UTRN: variants seen among roughly 807,000 people sequenced by gnomAD.
UTRN encodes dystrophin-related protein 1.
A neutral mutation model predicts 463.9 loss-of-function variants in UTRN; 283 were observed. The observed-to-expected ratio is 0.61, with a 90% CI of 0.55 to 0.67. UTRN has a LOEUF of 0.67. Among genes scored for constraint, UTRN ranks in the 30% least tolerant of loss-of-function variants. The probability of loss-of-function intolerance (pLI) is 0.00; values close to 1 mark genes in which losing one functional copy is unlikely to be tolerated. For synonymous variants in UTRN, 1,442 were observed against 1,431.5 expected, an observed-to-expected ratio of 1.01 and a Z score of -0.17; for missense variants, 3,922 against 4,084.3, an observed-to-expected ratio of 0.96 and a Z score of 1.08.
chr6:144,522,355 A>G (rs1455715638), intron 40 of UTRN, among the ~76,000 whole-genome samples, 184 bp downstream of exon 40: 1 of 152,220 alleles, frequency 6.6e-6, no homozygotes, highest in Non-Finnish European at 1.5e-5. Context: ...TTGAATTTTT[A>G]AAAAGTGGGT....
intron 7 of UTRN, among the ~76,000 whole-genome samples, chr6:144,427,324 A>T (rs1390349318): frequency 6.6e-6 from 1 of 152,170 alleles, no homozygotes; most frequent in Non-Finnish European, 1.5e-5. Flanking sequence ...GTAAATGATT[A>T]CTTTTCTCAA....
chr6:144,797,819 A>T lies in UTRN; in HGVS notation c.9079-5A>T. The T allele has an allele frequency of 6.2e-7, 1 of 1,610,920 alleles. No homozygotes were observed. The highest frequency in any genetic ancestry group is 8.5e-7 in the Non-Finnish European group (1 of 1,178,270). On this transcript the variant is annotated splice_polypyrimidine_tract_variant and splice_region_variant and intron_variant, in intron 63 of 74. Transcript: ENST00000367545. ...TCACTTTTAATATATTTCTTTTTTC[A>T]CCAGAATAACAATAAACCAGAAATA...
chr6:144,346,108 G>A (rs1777542658), intron 2 of UTRN, among the ~76,000 whole-genome samples: 1 of 151,660 alleles, frequency 6.6e-6, no homozygotes, highest in African/African-American at 2.4e-5. Context: ...AACCTGGGAG[G>A]TGGAGGTTGC....
chr6:144,715,408 T>C (rs1786294751), intron 53 of UTRN, among the ~76,000 whole-genome samples: 1 of 152,090 alleles, frequency 6.6e-6, no homozygotes, highest in African/African-American at 2.4e-5. Flanking sequence ...TAAATCAAAC[T>C]CTGTAGGGGC....
Position 144,537,571 on chromosome 6 carries a change from T to C in UTRN, c.6234-11T>C. On this transcript the variant is annotated splice_polypyrimidine_tract_variant and intron_variant, in intron 43 of 74. Transcript: ENST00000367545. ...TTTTCCTCAATATTTTTAAATAATA[T>C]ATTCTTTTAGGCTAAAAGGAGAAAG... 6.6e-7 allele frequency: 1 copy of C among 1,521,952 alleles called. No individual in the cohort carries two copies. The highest frequency in any genetic ancestry group is 8.8e-7 in the Non-Finnish European group (1 of 1,138,356). The allele number at this position is 1,521,952 out of a possible 1,614,324, so 94.3% of individuals were successfully genotyped here. A position where few individuals can be genotyped will look rare whatever the true frequency, so the allele number is the denominator to read the frequency against.
At chr6:144,569,588 TGTATAA>T (rs1385922050) in intron 50 of UTRN, among the ~76,000 whole-genome samples, 1 of 152,230 alleles carries the variant, frequency 6.6e-6, no homozygotes, top group Non-Finnish European at 1.5e-5. Context: ...TTCCTATTGC[TGTATAA>T]GTTTATTCAA....
chr6:144,493,691 TA>T (rs1365562818), intron 33 of UTRN, among the ~76,000 whole-genome samples: 1 of 152,192 alleles, frequency 6.6e-6, no homozygotes, highest in Non-Finnish European at 1.5e-5. Flanking sequence ...TATTTTTGGC[TA>T]GGCACAGTGG....
chr6:144,434,076 T>G (rs1465119943), intron 9 of UTRN, among the ~76,000 whole-genome samples: 1 of 152,278 alleles, frequency 6.6e-6, no homozygotes, highest in East Asian at 1.9e-4. Context: ...TGAACTAGAC[T>G]CCGTCTGCAA....
intron 55 of UTRN, among the ~76,000 whole-genome samples, chr6:144,749,176 C>A (rs56256643): frequency 0.14 from 21,382 of 151,774 alleles, 3,129 homozygotes; most frequent in African/African-American, 0.38. Context: ...TCTAGAACAT[C>A]TCCTGAAAAA....
chr6:144,494,181 C>G (rs1793348548), intron 33 of UTRN, among the ~76,000 whole-genome samples: 1 of 151,956 alleles, frequency 6.6e-6, no homozygotes, highest in Non-Finnish European at 1.5e-5. Context: ...AGCTGTGGAC[C>G]CTCGTGGTGA....
intron 61 of UTRN, among the ~76,000 whole-genome samples, chr6:144,785,555 T>A (rs1469293224): frequency 6.6e-6 from 1 of 151,686 alleles, no homozygotes; most frequent in Admixed American, 6.6e-5. Flanking sequence ...AAGTGAACAG[T>A]TTTTTTCCAA....
chr6:144,622,079 T>G (rs1397831212), intron 51 of UTRN, among the ~76,000 whole-genome samples: 2 of 152,062 alleles, frequency 1.3e-5, no homozygotes, highest in African/African-American at 4.8e-5. Flanking sequence ...AATAAACAGT[T>G]GAATATTTTC....
intron 46 of UTRN, 76 bp from the exon 47 acceptor site, chr6:144,548,564 C>A: frequency 1.5e-6 from 2 of 1,350,048 alleles, no homozygotes; most frequent in African/African-American, 1.5e-5. Context: ...AATACACATA[C>A]ACGTGTCACC....
intron 2 of UTRN, among the ~76,000 whole-genome samples, chr6:144,299,633 A>G (rs1805053637): frequency 6.6e-6 from 1 of 152,078 alleles, no homozygotes; most frequent in African/African-American, 2.4e-5. Flanking sequence ...AGTGTGTTCA[A>G]GGTCTTCTTG....
At chr6:144,482,665 C>CT (rs978145184) in intron 27 of UTRN, among the ~76,000 whole-genome samples, 46 of 152,170 alleles carry the variant, frequency 3.0e-4, no homozygotes, top group Admixed American at 2.7e-3. Context: ...TCAAACTTTA[C>CT]TTTTTTTATA....
intron 51 of UTRN, among the ~76,000 whole-genome samples, chr6:144,666,366 T>C (rs538430677): frequency 6.6e-6 from 1 of 152,232 alleles, no homozygotes; most frequent in African/African-American, 2.4e-5. Context: ...GTGAAGAAAT[T>C]GCACAAAATG....
At chr6:144,494,585 C>T (rs959354816) in intron 33 of UTRN, among the ~76,000 whole-genome samples, 7 of 152,184 alleles carry the variant, frequency 4.6e-5, no homozygotes, top group Admixed American at 1.3e-4. Flanking sequence ...TCTGGCCCTA[C>T]CCACATCCTG....
chr6:144,353,545 A>G (rs960031186), intron 2 of UTRN, among the ~76,000 whole-genome samples: 1 of 152,034 alleles, frequency 6.6e-6, no homozygotes, highest in Non-Finnish European at 1.5e-5. Context: ...GGCGTGAGCC[A>G]CTGTGCCTGG....
chr6:144,829,397 A>G (rs1218372083), intron 69 of UTRN, among the ~76,000 whole-genome samples: 2 of 152,176 alleles, frequency 1.3e-5, no homozygotes, highest in Non-Finnish European at 2.9e-5. Flanking sequence ...AAAAGATATT[A>G]TATACTAAAA....
Sources: gnomAD v4.1 joint callset for allele counts (sites outside exome capture counted in the v4.1 genomes callset) on GRCh38, gnomAD v4.1.1 for gene constraint, MANE v1.5 for transcripts, NCBI Gene and HGNC (gene_info 2026-07-23, HGNC 2026-07-21) for gene names.